KYAT3: variants seen among roughly 807,000 people sequenced by gnomAD.
KYAT3 encodes the protein kynurenine--oxoglutarate transaminase 3.
KYAT3 carries 50 observed loss-of-function variants against 59.0 expected under a neutral mutation model. The observed-to-expected ratio is 0.85, with a 90% CI of 0.68 to 1.07. The LOEUF (loss-of-function observed/expected upper bound fraction) is 1.07. Among genes scored for constraint, KYAT3 ranks in the 50% least tolerant of loss-of-function variants. The pLI is 0.00. For synonymous variants in KYAT3, 148 were observed against 177.0 expected, an observed-to-expected ratio of 0.84 and a Z score of 1.30; for missense variants, 497 against 533.3, an observed-to-expected ratio of 0.93 and a Z score of 0.67.
intron 8 of KYAT3, among the ~76,000 whole-genome samples, chr1:88,960,403 A>G (rs755127254): frequency 2.6e-5 from 4 of 152,118 alleles, no homozygotes; most frequent in Non-Finnish European, 5.9e-5. Flanking sequence ...AAATCCCTCC[A>G]TTACTGTGGT....
intron 11 of KYAT3, among the ~76,000 whole-genome samples, chr1:88,945,723 G>A (rs890696313): frequency 1.3e-5 from 2 of 152,194 alleles, no homozygotes; most frequent in Admixed American, 6.5e-5. Flanking sequence ...CTCAAGCTAC[G>A]ATTAAATAAG....
At chr1:88,940,284 C>T (rs7540993) in intron 13 of KYAT3, among the ~76,000 whole-genome samples, 4,795 of 152,144 alleles carry the variant, frequency 0.032, 226 homozygotes, top group African/African-American at 0.11. Context: ...GTTGGCCAGG[C>T]TGGTTGTGAA....
intron 1 of KYAT3, among the ~76,000 whole-genome samples, chr1:88,990,527 GCCCTTTTTCCC>G (rs1677728959): frequency 6.6e-6 from 1 of 152,186 alleles, no homozygotes; most frequent in Non-Finnish European, 1.5e-5. Context: ...TGGCAGGCAA[GCCCTTTTTCCC>G]CTGAGAAACA....
chr1:88,952,068 C>A (rs1315381672), intron 10 of KYAT3, among the ~76,000 whole-genome samples: 1 of 152,112 alleles, frequency 6.6e-6, no homozygotes, highest in Non-Finnish European at 1.5e-5. Context: ...TTGATTTTAG[C>A]CCTTTAAGAC....
In KYAT3 at chr1:88,962,041, C is replaced by A. The variant is rs779219468; in HGVS notation, c.540+18G>T. On this transcript the variant is annotated intron_variant, in intron 6 of 13. Coordinates refer to ENST00000260508, the MANE Select transcript of KYAT3 (RefSeq NM_001008661.3). ...AAGTCTTGAAACTTTGCCATATGAA[C>A]CATACTGGCAAACTTACAGATCTCA... 2.3e-5 allele frequency: 36 copies of A among 1,582,872 alleles called. No homozygotes were observed. The highest frequency in any genetic ancestry group is 2.9e-5 in the Non-Finnish European group (33 of 1,151,728).
intron 2 of KYAT3, among the ~76,000 whole-genome samples, chr1:88,975,298 C>A (rs1025703210): frequency 6.6e-6 from 1 of 152,154 alleles, no homozygotes; most frequent in Non-Finnish European, 1.5e-5. Flanking sequence ...ACTACCGGCA[C>A]GTGCCACCAT....
intron 2 of KYAT3, among the ~76,000 whole-genome samples, chr1:88,976,647 C>A (rs1676799821): frequency 6.6e-6 from 1 of 152,118 alleles, no homozygotes; most frequent in Non-Finnish European, 1.5e-5. Context: ...TCAGGCATGT[C>A]CTTCAGGACA....
At chr1:88,932,922 T>A (rs1430627593), downstream of KYAT3, among the ~76,000 whole-genome samples, 1 of 152,198 alleles carries the variant, frequency 6.6e-6, no homozygotes, top group African/African-American at 2.4e-5. Flanking sequence ...ACTCTCCCCC[T>A]TGGTTATTCC....
intron 11 of KYAT3, among the ~76,000 whole-genome samples, chr1:88,945,345 A>G (rs1029217671): frequency 1.3e-5 from 2 of 152,212 alleles, no homozygotes; most frequent in African/African-American, 4.8e-5. Flanking sequence ...GTAATCTATG[A>G]AGGCCCAAAT....
chr1:88,988,987 C>T (rs1677631207), intron 1 of KYAT3, among the ~76,000 whole-genome samples: 1 of 152,116 alleles, frequency 6.6e-6, no homozygotes, highest in Non-Finnish European at 1.5e-5. Context: ...AAATTGATAT[C>T]CGTCATGGGT....
At chr1:88,937,223 G>A (rs1271462648) in intron 13 of KYAT3, among the ~76,000 whole-genome samples, 1 of 152,150 alleles carries the variant, frequency 6.6e-6, no homozygotes, top group East Asian at 1.9e-4. Context: ...CTAGATGGGG[G>A]CACCTCTCCA....
the KYAT3 span, chr1:88,923,808 C>A: frequency 9.3e-6 from 2 of 216,010 alleles, no homozygotes; most frequent in Non-Finnish European, 1.9e-5. Flanking sequence ...CAAAAGTATG[C>A]CCTCTATAGT....
intron 2 of KYAT3, chr1:88,983,351 C>T: frequency 2.5e-6 from 4 of 1,614,116 alleles, no homozygotes; most frequent in African/African-American, 1.3e-5. Context: ...AGGAGAAGGA[C>T]CCCCACTTCT....
chr1:88,941,735 G>T lies in KYAT3; in HGVS notation c.1302+1270C>A, dbSNP rs193037550. Among the ~76,000 whole-genome samples the T allele has an allele frequency of 1.2e-3, 180 of 152,250 alleles. 1 individual carries two copies. The Middle Eastern group carries it at 0.014, about 12-fold the overall frequency. On this transcript the variant is annotated intron_variant, in intron 13 of 13. Coordinates refer to ENST00000260508, the MANE Select transcript of KYAT3 (RefSeq NM_001008661.3). ...TAAAAATATTTTTTTATAAAGACAG[G>T]ATCTCACTATGTTTCCCAGGCTGGT... is the stretch of plus-strand genomic sequence containing the variant.
intron 2 of KYAT3, among the ~76,000 whole-genome samples, chr1:88,975,311 C>G (rs951374900): frequency 1.3e-5 from 2 of 152,170 alleles, no homozygotes; most frequent in African/African-American, 4.8e-5. Flanking sequence ...GCCACCATGC[C>G]TGGCTAATTT....
At chr1:88,991,245 C>A (rs1190190716) in intron 1 of KYAT3, among the ~76,000 whole-genome samples, 1 of 152,148 alleles carries the variant, frequency 6.6e-6, no homozygotes, top group Non-Finnish European at 1.5e-5. Flanking sequence ...ACAAGCCCGT[C>A]AAAATAAATC....
chr1:88,982,783 A>G, intron 2 of KYAT3: 2 of 1,613,900 alleles, frequency 1.2e-6, no homozygotes, highest in East Asian at 2.2e-5. Context: ...CAGAAGGGGG[A>G]AGCCCTCTTT....
downstream of KYAT3, among the ~76,000 whole-genome samples, chr1:88,933,402 A>G (rs371510363): frequency 3.3e-4 from 50 of 152,068 alleles, no homozygotes; most frequent in African/African-American, 1.2e-3. Flanking sequence ...GGAGGGAGGG[A>G]AAAAATAGGG....
chr1:88,936,146 G>A lies in KYAT3; in HGVS notation c.*37C>T, dbSNP rs755851477. ...AGCACTAAGTAACAATTCCATACTA[G>A]GTCATCTAACAGAAACATTAATCCA... On this transcript the variant is annotated 3_prime_UTR_variant, in exon 14 of 14. Coordinates refer to ENST00000260508, the MANE Select transcript of KYAT3 (RefSeq NM_001008661.3). The A allele has an allele frequency of 5.6e-6, 8 of 1,425,574 alleles. No homozygotes were observed. Among genetic ancestry groups the A allele is most frequent in the East Asian group, 2.3e-5 (1 of 43,592 alleles). The allele number at this position is 1,425,574 out of a possible 1,614,324, so 88.3% of individuals were successfully genotyped here.
Sources: gnomAD v4.1 joint callset for allele counts (sites outside exome capture counted in the v4.1 genomes callset) on GRCh38, gnomAD v4.1.1 for gene constraint, MANE v1.5 for transcripts, NCBI Gene and HGNC (gene_info 2026-07-23, HGNC 2026-07-21) for gene names.